SCFD2: variants seen among roughly 807,000 people sequenced by gnomAD.
SCFD2 encodes sec1 family domain-containing protein 2.
SCFD2 carries 54 observed loss-of-function variants against 58.9 expected under a neutral mutation model. The observed-to-expected ratio is 0.92, with a 90% CI of 0.74 to 1.15. SCFD2 has a LOEUF of 1.15. Among genes scored for constraint, SCFD2 ranks in the 50% most tolerant of loss-of-function variants. The pLI is 0.00. For missense variants in SCFD2, 805 were observed against 836.6 expected (o/e 0.96, Z 0.47); for synonymous variants, 321 against 335.9 (o/e 0.96, Z 0.49).
intron 4 of SCFD2, among the ~76,000 whole-genome samples, chr4:53,230,794 T>C (rs143496677): frequency 2.0e-5 from 3 of 152,096 alleles, no homozygotes; most frequent in African/African-American, 7.2e-5. Flanking sequence ...AAAAAAGATA[T>C]GCAATATCTG....
intron 5 of SCFD2, among the ~76,000 whole-genome samples, chr4:53,023,454 A>G (rs1722397840): frequency 6.6e-6 from 1 of 152,124 alleles, no homozygotes; most frequent in African/African-American, 2.4e-5. Flanking sequence ...CAGGAGGCTT[A>G]GCCCCTACTC....
intron 5 of SCFD2, among the ~76,000 whole-genome samples, chr4:53,118,950 T>C (rs1725398814): frequency 6.6e-6 from 1 of 152,172 alleles, no homozygotes; most frequent in Non-Finnish European, 1.5e-5. Flanking sequence ...TGTTACTTAG[T>C]AGAGACTTGA....
chr4:53,013,526 G>A (rs948131258), intron 5 of SCFD2, among the ~76,000 whole-genome samples: 7 of 152,038 alleles, frequency 4.6e-5, no homozygotes, highest in African/African-American at 7.2e-5. Context: ...ATTAGTCAAC[G>A]AAAATCATTT....
At chr4:52,951,434 G>C (rs1412536142) in intron 5 of SCFD2, among the ~76,000 whole-genome samples, 1 of 150,650 alleles carries the variant, frequency 6.6e-6, no homozygotes, top group Non-Finnish European at 1.5e-5. Flanking sequence ...CCTGAGACTG[G>C]GAAATCTTTG....
intron 5 of SCFD2, among the ~76,000 whole-genome samples, chr4:52,947,001 C>G (rs1376199794): frequency 6.6e-6 from 1 of 152,154 alleles, no homozygotes. Context: ...TCACTGTGCC[C>G]TGGTGCATGT....
chr4:53,203,091 C>A (rs549367111), intron 4 of SCFD2, among the ~76,000 whole-genome samples: 1 of 152,314 alleles, frequency 6.6e-6, no homozygotes, highest in East Asian at 1.9e-4. Context: ...GGGAGGGCAT[C>A]CCTGTCTTGT....
At chr4:52,948,662 T>A (rs924529009) in intron 5 of SCFD2, 1 of 408,472 alleles carries the variant, frequency 2.4e-6, no homozygotes, top group Non-Finnish European at 5.0e-6. Flanking sequence ...CCTACTTATA[T>A]ATATGATTTG....
chr4:52,892,312 C>A (rs903636617), intron 7 of SCFD2, among the ~76,000 whole-genome samples: 4 of 152,196 alleles, frequency 2.6e-5, no homozygotes, highest in African/African-American at 4.8e-5. Context: ...CTTAGACTTT[C>A]ATCTTCTCAC....
intron 4 of SCFD2, among the ~76,000 whole-genome samples, chr4:53,163,269 A>G (rs1472554159): frequency 1.3e-5 from 2 of 152,252 alleles, no homozygotes; most frequent in Non-Finnish European, 2.9e-5. Context: ...GCCCAAAGTC[A>G]AAATCAGGAA....
intron 7 of SCFD2, among the ~76,000 whole-genome samples, chr4:52,895,362 C>A (rs1718980502): frequency 6.6e-6 from 1 of 152,134 alleles, no homozygotes; most frequent in African/African-American, 2.4e-5. Flanking sequence ...TGATGTTCCC[C>A]TTCCTGTGTC....
intron 5 of SCFD2, among the ~76,000 whole-genome samples, chr4:52,974,702 G>A (rs902829888): frequency 1.1e-4 from 16 of 151,772 alleles, no homozygotes; most frequent in South Asian, 8.4e-4. Flanking sequence ...AAAAGAGCCT[G>A]CATTGCCAAG....
In SCFD2 at chr4:52,964,605, G is replaced by C. The variant is rs1161076719; in HGVS notation, c.1562-43735C>G. 2.6e-5 allele frequency among the ~76,000 whole-genome samples: 4 copies of C among 151,942 alleles called. No individual in the cohort carries two copies. In the South Asian group the frequency reaches 8.3e-4, roughly 31 times the overall value. On this transcript the variant is annotated intron_variant, in intron 5 of 8. Transcript: ENST00000401642. The stretch of plus-strand genomic sequence containing the variant: ...TTAATGGTTCCAGGTAAACAAAGTG[G>C]GTTTGCAATGTCAAGACAATATAGT...
At chr4:52,935,873 T>C (rs958966893) in intron 5 of SCFD2, among the ~76,000 whole-genome samples, 1 of 152,152 alleles carries the variant, frequency 6.6e-6, no homozygotes, top group Non-Finnish European at 1.5e-5. Flanking sequence ...GTTTCCCTCT[T>C]GTTGCCCAGG....
chr4:53,349,675 G>C (rs2149160386), intron 2 of SCFD2, among the ~76,000 whole-genome samples: 1 of 152,310 alleles, frequency 6.6e-6, no homozygotes, highest in East Asian at 1.9e-4. Flanking sequence ...ATCAGTGCTG[G>C]GGAGTCAAGG....
intron 5 of SCFD2, among the ~76,000 whole-genome samples, chr4:52,983,888 C>T (rs185674453): frequency 2.5e-4 from 38 of 152,322 alleles, no homozygotes; most frequent in Admixed American, 2.0e-3. Context: ...TGCCTACACC[C>T]TTCTTAAGAT....
intron 5 of SCFD2, among the ~76,000 whole-genome samples, chr4:52,988,249 C>T (rs1721542413): frequency 1.3e-5 from 2 of 152,152 alleles, no homozygotes; most frequent in Non-Finnish European, 2.9e-5. Context: ...TGGAGTTGGA[C>T]TTACAAATTA....
chr4:53,239,689 C>T (rs1226679092), intron 4 of SCFD2, among the ~76,000 whole-genome samples: 1 of 152,044 alleles, frequency 6.6e-6, no homozygotes, highest in Non-Finnish European at 1.5e-5. Context: ...TTTCCATGTT[C>T]GTCAGGCTGG....
intron 5 of SCFD2, 152 bp downstream of exon 5, chr4:53,145,181 T>C: frequency 1.1e-6 from 1 of 907,372 alleles, no homozygotes; most frequent in Non-Finnish European, 1.7e-6. Flanking sequence ...TGGGGACTGT[T>C]GCTATAGGCT....
chr4:53,291,614 GA>G lies in SCFD2; in HGVS notation c.1136-17614del, dbSNP rs566745409. On this transcript the variant is annotated intron_variant, in intron 3 of 8. Coordinates refer to ENST00000401642, the MANE Select transcript of SCFD2 (RefSeq NM_152540.4). The stretch of plus-strand genomic sequence containing the variant: ...ACGACTGATATTCTTCACAGAATTA[GA>G]AAAAAAAAAACTATTTTAAAATTCA... Among the ~76,000 whole-genome samples the G allele has an allele frequency of 2.0e-3, 286 of 142,922 alleles. 2 individuals carry two copies. The highest frequency in any genetic ancestry group is 4.9e-3 in the African/African-American group (191 of 39,168). The allele number at this position is 142,922 out of a possible 152,430, so 93.8% of individuals were successfully genotyped here.
Sources: allele counts gnomAD v4.1 joint callset (sites outside exome capture counted in the v4.1 genomes callset), GRCh38; gene constraint gnomAD v4.1.1; transcripts MANE v1.5; gene names NCBI Gene and HGNC (gene_info 2026-07-23, HGNC 2026-07-21).